The following MAST2 variants were observed in gnomAD, a reference collection of about 807,000 sequenced individuals.
The protein encoded by MAST2 is microtubule-associated serine/threonine-protein kinase 2.
Under a neutral mutation model 147.4 loss-of-function variants are expected in MAST2, and 70 were observed. That is an observed-to-expected ratio of 0.47 (90% CI 0.39 to 0.58). The LOEUF (loss-of-function observed/expected upper bound fraction) is 0.58. MAST2 is among the 20% of genes least tolerant of loss of function. The probability of loss-of-function intolerance (pLI) is 0.00; values close to 1 mark genes in which losing one functional copy is unlikely to be tolerated. For synonymous variants in MAST2, 869 were observed against 896.8 expected, an observed-to-expected ratio of 0.97 and a Z score of 0.55; for missense variants, 2,080 against 2,302.3, an observed-to-expected ratio of 0.90 and a Z score of 1.98.
chr1:45,985,716 T>G (rs1257694748), intron 5 of MAST2, among the ~76,000 whole-genome samples: 1 of 152,236 alleles, frequency 6.6e-6, no homozygotes, highest in Non-Finnish European at 1.5e-5. Flanking sequence ...TGAATTGACT[T>G]CTTAACAATA....
intron 4 of MAST2, among the ~76,000 whole-genome samples, chr1:45,926,958 A>G: frequency 6.6e-6 from 1 of 152,000 alleles, no homozygotes; most frequent in Non-Finnish European, 1.5e-5. Context: ...GTTCTTTTAT[A>G]TTTTTCCTAA....
Position 45,824,529 on chromosome 1 carries a change from A to G in MAST2, c.274A>G (p.Ser92Gly), listed in dbSNP as rs762346853. The change falls in exon 2 of 29, where the codon AGT (serine) becomes GGT (glycine). Residue 92 changes from serine to glycine, a missense_variant. Transcript: ENST00000361297. ...AAAAGTTAAACTTCAGCGACAACTGAGTCAGGATGATTGTAAGTTATGGAG... is the reference window on the plus strand; with the variant it reads ...AAAAGTTAAACTTCAGCGACAACTGGGTCAGGATGATTGTAAGTTATGGAG... ...TGKVKLQRQL[S>G]QDDCKLWRGN... 6.2e-7 allele frequency: 1 copy of G among 1,611,088 alleles called. No homozygotes were observed.
At position 46,035,802 on chromosome 1, in the gene MAST2, C is replaced by G; in HGVS notation, c.5133C>G (p.Pro1711=). 1 of 1,614,124 alleles carries G rather than the reference C, an allele frequency of 6.2e-7. No individual in the cohort carries two copies. The highest frequency in any genetic ancestry group is 8.5e-7 in the Non-Finnish European group (1 of 1,180,044). ...EQGKTQPPSA[P]RLAHPSYEDP... ...GGAAGACACAGCCACCTAGTGCCCC[C>G]AGACTGGCCCATCCATCTTATGAGG... Residue 1711 remains proline, a synonymous_variant, in exon 29 of 29, where the codon CCC becomes CCG. Transcript: ENST00000361297. This position sits in a 1 kb window ranked among gnomAD's most constrained non-coding sequence, Gnocchi z 5.5.
chr1:45,889,036 CT>C (rs1647262680), intron 4 of MAST2, among the ~76,000 whole-genome samples: 1 of 152,108 alleles, frequency 6.6e-6, no homozygotes, highest in Admixed American at 6.6e-5. Flanking sequence ...CCATTGTAAT[CT>C]CTTGCCTCTG....
chr1:46,013,795 A>T (rs1645816109), intron 10 of MAST2, among the ~76,000 whole-genome samples: 1 of 152,178 alleles, frequency 6.6e-6, no homozygotes, highest in Non-Finnish European at 1.5e-5. Context: ...ACCATGTGGT[A>T]TGCATGAACA....
intron 4 of MAST2, among the ~76,000 whole-genome samples, chr1:45,928,514 A>G (rs1190255138): frequency 6.6e-6 from 1 of 152,140 alleles, no homozygotes; most frequent in African/African-American, 2.4e-5. Flanking sequence ...TATTACTGGG[A>G]CAACAGACAT....
At chr1:45,824,699 A>G in intron 2 of MAST2, 119 bp downstream of exon 2, 5 of 1,031,246 alleles carry the variant, frequency 4.8e-6, no homozygotes, top group Admixed American at 2.7e-5. Context: ...TGTATAGAAC[A>G]TTTATGGTAA....
In MAST2 at chr1:46,034,997, C is replaced by T. The variant is rs748366840; in HGVS notation, c.4328C>T (p.Pro1443Leu). ...TCTGAACTAAAGAAGGAACTGCCGC[C>T]CAGGGAAGTGAGCCCTCTGGAGGTA... ...PHSELKKELP[P>L]REVSPLEVVG... is the part of the protein sequence containing the mutation. The change falls in exon 29 of 29, where the codon CCC becomes CTC. Residue 1443 changes from proline to leucine, a missense_variant. Pro to Leu is a moderately conservative substitution (Grantham distance 98). Around this residue, in one of 4 missense-constraint regions of MAST2, gnomAD observed 1,278 missense variants for 1,304.2 expected, o/e 0.98. Transcript: ENST00000361297. 1 of 1,614,086 alleles carries T rather than the reference C, an allele frequency of 6.2e-7. No homozygotes were observed. The highest frequency in any genetic ancestry group is 1.1e-5 in the South Asian group (1 of 91,090).
intron 5 of MAST2, among the ~76,000 whole-genome samples, chr1:45,988,677 T>C (rs1285615412): frequency 6.6e-6 from 1 of 152,218 alleles, no homozygotes; most frequent in Non-Finnish European, 1.5e-5. Context: ...TTTATATCAG[T>C]ATGAACTAAT....
chr1:45,808,527 C>A (rs1644205706), intron 1 of MAST2, among the ~76,000 whole-genome samples: 1 of 152,144 alleles, frequency 6.6e-6, no homozygotes, highest in African/African-American at 2.4e-5. Context: ...TAGTCTTTTA[C>A]TTCTTCTCCT....
chr1:45,804,290 T>C (rs1367631077), intron 1 of MAST2, among the ~76,000 whole-genome samples: 6 of 151,538 alleles, frequency 4.0e-5, no homozygotes, highest in Admixed American at 2.0e-4. Flanking sequence ...GAATGAAAAA[T>C]TGGTGCAAGA....
At chr1:45,949,300 A>C (rs1470542612) in intron 4 of MAST2, among the ~76,000 whole-genome samples, 3 of 152,220 alleles carry the variant, frequency 2.0e-5, no homozygotes, top group African/African-American at 7.2e-5. Context: ...ACAGAATAGG[A>C]AAAAATATTT....
chr1:45,938,691 C>T (rs1434084655), intron 4 of MAST2, among the ~76,000 whole-genome samples: 1 of 152,200 alleles, frequency 6.6e-6, no homozygotes, highest in Non-Finnish European at 1.5e-5. Context: ...TTCACATTCA[C>T]AGAGTTTATT....
chr1:46,033,986 T>TGGTACGTG (rs1230225164), intron 27 of MAST2, 48 bp downstream of exon 27: 2 of 1,609,340 alleles, frequency 1.2e-6, no homozygotes, highest in Admixed American at 3.3e-5. Context: ...ACATGAGTGC[T>TGGTACGTG]GGTACGTGGT....
chr1:46,016,410 A>G (rs1409561455), intron 10 of MAST2, among the ~76,000 whole-genome samples: 13 of 151,262 alleles, frequency 8.6e-5, no homozygotes, highest in Admixed American at 5.3e-4. Context: ...TCCAGATGAC[A>G]TGATTGTATA....
At chr1:45,982,770 C>T (rs1423196421) in intron 5 of MAST2, among the ~76,000 whole-genome samples, 2 of 152,142 alleles carry the variant, frequency 1.3e-5, no homozygotes, top group African/African-American at 4.8e-5. Context: ...GGTCTTGGCC[C>T]CTCCCCCTGC....
intron 5 of MAST2, among the ~76,000 whole-genome samples, chr1:45,972,570 G>A (rs1643958833): frequency 6.6e-6 from 1 of 152,150 alleles, no homozygotes; most frequent in Non-Finnish European, 1.5e-5. Context: ...TTTACTCCCT[G>A]ACACGTATAG....
intron 5 of MAST2, among the ~76,000 whole-genome samples, chr1:45,982,074 C>T (rs1644431760): frequency 6.6e-6 from 1 of 152,152 alleles, no homozygotes; most frequent in African/African-American, 2.4e-5. Flanking sequence ...GTCCCAAACT[C>T]CTGACCTCAG....
At chr1:45,884,761 A>G (rs965014503) in intron 4 of MAST2, among the ~76,000 whole-genome samples, 3 of 152,184 alleles carry the variant, frequency 2.0e-5, no homozygotes, top group Non-Finnish European at 4.4e-5. Flanking sequence ...TTCTGGAAGG[A>G]AGCAAGGAAA....
Sources: allele counts gnomAD v4.1 joint callset (sites outside exome capture counted in the v4.1 genomes callset), GRCh38; gene constraint gnomAD v4.1.1; regional missense constraint gnomAD v4.1.1; non-coding constraint Gnocchi (gnomAD v3.1); transcripts MANE v1.5; gene names NCBI Gene and HGNC (gene_info 2026-07-23, HGNC 2026-07-21).